WAC: variants seen among roughly 807,000 people sequenced by gnomAD.
The protein encoded by WAC is WW domain containing adaptor with coiled-coil.
WAC carries 11 observed loss-of-function variants against 79.6 expected under a neutral mutation model. The observed-to-expected ratio is 0.14, with a 90% CI of 0.09 to 0.23. The LOEUF is 0.23. Ranked by LOEUF, WAC falls within the 10% of genes least tolerant of loss-of-function variation. WAC has a pLI of 1.00. For synonymous variants in WAC, 304 were observed against 276.9 expected, an observed-to-expected ratio of 1.10 and a Z score of -0.97; for missense variants, 728 against 773.5, an observed-to-expected ratio of 0.94 and a Z score of 0.70.
Position 28,619,914 on chromosome 10 carries a change from A to ATTT in WAC, c.*309_*310insTTT, listed in dbSNP as rs1841629902. 4.9e-6 allele frequency: 1 copy of ATTT among 203,374 alleles called. No individual in the cohort carries two copies. Among genetic ancestry groups the ATTT allele is most frequent in the South Asian group, 1.9e-4 (1 of 5,386 alleles). The allele number at this position is 203,374 out of a possible 1,614,324, so 12.6% of individuals were successfully genotyped here. ...AACTAATCAATGCTGAGGTGGCTAA[A>ATTT]TACCTAGCCTTTTACATGTAAACCT... is the stretch of plus-strand genomic sequence containing the variant. On this transcript the variant is annotated 3_prime_UTR_variant, in exon 14 of 14. Coordinates refer to ENST00000354911, the MANE Select transcript of WAC (RefSeq NM_016628.5).
At chr10:28,556,305 T>G (rs1837981789) in intron 3 of WAC, among the ~76,000 whole-genome samples, 1 of 151,752 alleles carries the variant, frequency 6.6e-6, no homozygotes. Context: ...TTTCTCTGAT[T>G]AGTGATACTA....
At chr10:28,602,819 A>G (rs1840706570) in intron 7 of WAC, among the ~76,000 whole-genome samples, 2 of 152,174 alleles carry the variant, frequency 1.3e-5, no homozygotes, top group Non-Finnish European at 2.9e-5. Context: ...TTATGCGTCT[A>G]GTCTTTGGTA....
At chr10:28,561,241 A>G (rs1025675562) in intron 3 of WAC, among the ~76,000 whole-genome samples, 1 of 152,224 alleles carries the variant, frequency 6.6e-6, no homozygotes, top group Non-Finnish European at 1.5e-5. Context: ...TTACACAAAC[A>G]GTAATACAAG....
At chr10:28,562,137 A>G (rs1838331300) in intron 3 of WAC, among the ~76,000 whole-genome samples, 1 of 152,126 alleles carries the variant, frequency 6.6e-6, no homozygotes, top group Non-Finnish European at 1.5e-5. Flanking sequence ...GGTTCACTGC[A>G]ACTTTGCCTC....
At chr10:28,578,214 G>C (rs2132595048) in intron 3 of WAC, among the ~76,000 whole-genome samples, 1 of 152,214 alleles carries the variant, frequency 6.6e-6, no homozygotes, top group East Asian at 1.9e-4. Flanking sequence ...CTCTGAGAAA[G>C]ACAACTTTGA....
chr10:28,597,751 A>C (rs570144431), intron 7 of WAC, among the ~76,000 whole-genome samples: 2 of 152,260 alleles, frequency 1.3e-5, no homozygotes, highest in South Asian at 4.1e-4. Flanking sequence ...ATTTATTCTT[A>C]GATTCGCAGT....
rs1839996477 is a variant in WAC, at chr10:28,589,754, G to A, written c.400G>A (p.Asp134Asn). 6.2e-7 allele frequency: 1 copy of A among 1,610,004 alleles called. No individual in the cohort carries two copies. The highest frequency in any genetic ancestry group is 1.3e-5 in the African/African-American group (1 of 74,796). ...TSDAPYDSAD[D>N]WSEHISSSGK... ...TTTTAAGCCTTATGATTCTGCAGATGACTGGTCTGAGCATATTAGCTCTTC... is the reference window on the plus strand; with the variant it reads ...TTTTAAGCCTTATGATTCTGCAGATAACTGGTCTGAGCATATTAGCTCTTC... The change falls in exon 5 of 14, where the codon GAC becomes AAC. Residue 134 changes from aspartate (D) to asparagine (N), a missense_variant. Asp to Asn is a conservative substitution (Grantham distance 23). Coordinates refer to ENST00000354911, the MANE Select transcript of WAC (RefSeq NM_016628.5).
chr10:28,590,447 A>G (rs1206044267), intron 5 of WAC, among the ~76,000 whole-genome samples: 1 of 152,216 alleles, frequency 6.6e-6, no homozygotes, highest in Non-Finnish European at 1.5e-5. Flanking sequence ...ATAGTTTAAT[A>G]AGGCCGTAAT....
intron 3 of WAC, among the ~76,000 whole-genome samples, chr10:28,550,446 C>G (rs559252903): frequency 1.3e-5 from 2 of 151,462 alleles, no homozygotes; most frequent in African/African-American, 4.9e-5. Context: ...TTGAGCCTAT[C>G]TTTATTATAG....
intron 3 of WAC, among the ~76,000 whole-genome samples, chr10:28,557,863 A>G (rs1838080946): frequency 6.6e-6 from 1 of 152,104 alleles, no homozygotes; most frequent in Non-Finnish European, 1.5e-5. Flanking sequence ...TCATGAGGTC[A>G]GGAGATTGAG....
At chr10:28,571,250 G>A (rs1443892126) in intron 3 of WAC, among the ~76,000 whole-genome samples, 2 of 152,082 alleles carry the variant, frequency 1.3e-5, no homozygotes, top group African/African-American at 4.8e-5. Context: ...TACTTTTCAT[G>A]TGCTTTTTTG....
intron 4 of WAC, chr10:28,588,848 T>G (rs2132663508): frequency 6.6e-6 from 1 of 152,338 alleles, no homozygotes; most frequent in African/African-American, 2.4e-5. Flanking sequence ...TCTCATTTAT[T>G]TGTGTTGGGA....
At chr10:28,619,459 A>G (rs1367492171) in intron 13 of WAC, 78 bp from the exon 14 acceptor site, 5 of 1,100,592 alleles carry the variant, frequency 4.5e-6, no homozygotes, top group Non-Finnish European at 6.3e-6. Context: ...AATTTAAAAA[A>G]TTTTAATTAT....
intron 3 of WAC, among the ~76,000 whole-genome samples, chr10:28,577,208 A>G (rs1839285897): frequency 6.6e-6 from 1 of 152,224 alleles, no homozygotes; most frequent in African/African-American, 2.4e-5. Flanking sequence ...TGATATTATT[A>G]TAAACTAAAG....
chr10:28,563,790 C>T (rs367746716), intron 3 of WAC, among the ~76,000 whole-genome samples: 2 of 92,364 alleles, frequency 2.2e-5, no homozygotes, highest in Non-Finnish European at 4.4e-5. Context: ...TTAGTAGAGA[C>T]GGGGTTTCAA....
intron 7 of WAC, among the ~76,000 whole-genome samples, chr10:28,601,097 C>T (rs1466562095): frequency 1.3e-5 from 2 of 151,976 alleles, no homozygotes; most frequent in Admixed American, 6.6e-5. Context: ...CATTGGACTT[C>T]GTCAGTATTA....
chr10:28,549,704 T>A (rs1318706515), intron 3 of WAC, among the ~76,000 whole-genome samples: 1 of 152,206 alleles, frequency 6.6e-6, no homozygotes, highest in Non-Finnish European at 1.5e-5. Flanking sequence ...TGATGACAGT[T>A]GTCCAAAAAT....
At chr10:28,617,534 G>A in intron 12 of WAC, 123 bp from the exon 13 acceptor site, 1 of 870,476 alleles carries the variant, frequency 1.1e-6, no homozygotes, top group Non-Finnish European at 1.6e-6. Context: ...CAGCATTTTT[G>A]TGTATTGAAG....
chr10:28,543,205 G>A (rs1564374178), intron 3 of WAC, among the ~76,000 whole-genome samples: 1 of 152,200 alleles, frequency 6.6e-6, no homozygotes, highest in African/African-American at 2.4e-5. Flanking sequence ...CTTCACTAGA[G>A]TAACAAGGTT....
Sources: allele counts gnomAD v4.1 joint callset (sites outside exome capture counted in the v4.1 genomes callset), GRCh38; gene constraint gnomAD v4.1.1; transcripts MANE v1.5; gene names NCBI Gene and HGNC (gene_info 2026-07-23, HGNC 2026-07-21).